The following ZNF836 variants were observed in gnomAD, a reference collection of about 807,000 sequenced individuals.
ZNF836 encodes the protein zinc finger protein 836.
In ZNF836, 12 loss-of-function variants were observed where a neutral mutation model predicts 7.4. That is an observed-to-expected ratio of 1.61 (90% CI 1.03 to 2.61). The LOEUF is 2.61. Ranked by LOEUF, ZNF836 falls within the 30% of genes most tolerant of loss-of-function variation. The pLI is 0.00. For missense variants in ZNF836, 998 were observed against 1,126.2 expected, an observed-to-expected ratio of 0.89 and a Z score of 1.63; for synonymous variants, 365 against 382.6, an observed-to-expected ratio of 0.95 and a Z score of 0.54.
At chr19:52,167,299 C>G (rs2089273625) in intron 3 of ZNF836, among the ~76,000 whole-genome samples, 1 of 151,308 alleles carries the variant, frequency 6.6e-6, no homozygotes, top group South Asian at 2.1e-4. Context: ...TGGTGAAACC[C>G]CATCTCTACT....
At position 52,156,766 on chromosome 19, in the gene ZNF836, T is replaced by A. The variant is rs1201672431; in HGVS notation, c.917A>T (p.Glu306Val). The change falls in exon 5 of 5, where the codon GAA (glutamate) becomes GTA (valine). Residue 306 changes from glutamate (E) to valine (V), a missense_variant. Coordinates refer to ENST00000682614, the MANE Select transcript of ZNF836 (RefSeq NM_001102657.3). The stretch of plus-strand genomic sequence containing the variant: ...ACTTTGACTAAAGGACTTGCCACAT[T>A]CATTACATTTGTACGGTTTCTCTCC... ...HTGEKPYKCN[E>V]CGKSFSQSYN... The A allele has an allele frequency of 5.0e-6, 8 of 1,607,718 alleles. No individual in the cohort carries two copies. The highest frequency in any genetic ancestry group is 6.8e-6 in the Non-Finnish European group (8 of 1,175,504).
chr19:52,166,858 C>A (rs967806118), intron 3 of ZNF836, among the ~76,000 whole-genome samples: 1 of 151,718 alleles, frequency 6.6e-6, no homozygotes, highest in Non-Finnish European at 1.5e-5. Context: ...GGATTACAGG[C>A]GTGAGCCACC....
chr19:52,169,112 A>G (rs892532818), intron 2 of ZNF836, among the ~76,000 whole-genome samples: 1 of 152,218 alleles, frequency 6.6e-6, no homozygotes, highest in African/African-American at 2.4e-5. Context: ...TTATAGGGTG[A>G]AAGTTTAAAA....
At chr19:52,165,493 A>C (rs1004098498) in intron 3 of ZNF836, 4 of 152,234 alleles carry the variant, frequency 2.6e-5, no homozygotes, top group African/African-American at 9.6e-5. Context: ...TTCACTGAAG[A>C]ATTGTTTTCT....
Position 52,157,497 on chromosome 19 carries a change from C to A in ZNF836, c.186G>T (p.Gly62=). ...GGCATTTTTCTCCTGTATTACTGTT[C>A]CCTATTGGTGGTAATTCCTTGGTCA... The part of the protein sequence containing the change: ...KCMTKELPPI[G]NSNTGEKCQT... Residue 62 remains glycine, a synonymous_variant, in exon 5 of 5, where the codon GGG becomes GGT. Coordinates refer to ENST00000682614, the MANE Select transcript of ZNF836 (RefSeq NM_001102657.3). 1 of 1,562,288 alleles carries A rather than the reference C, an allele frequency of 6.4e-7. No homozygotes were observed. Among genetic ancestry groups the A allele is most frequent in the South Asian group, 1.2e-5 (1 of 81,222 alleles).
rs2089147387 is a variant in ZNF836 at position 52,155,618 on chromosome 19, T to C, written c.2065A>G (p.Thr689Ala). ...TTACAATTGTAAGGTTTCTCTCCAGTATGAATTATCAGATGTTTAGTGAGG... is the reference window on the plus strand; with the variant it reads ...TTACAATTGTAAGGTTTCTCTCCAGCATGAATTATCAGATGTTTAGTGAGG... ...SSLTKHLIIHTGEKPYNCNEF... is the reference protein window; with the variant it reads ...SSLTKHLIIHAGEKPYNCNEF... The change falls in exon 5 of 5, where the codon ACT becomes GCT. Residue 689 changes from threonine (T) to alanine (A), a missense_variant. Transcript: ENST00000682614. The C allele has an allele frequency of 1.2e-6, 2 of 1,614,138 alleles. No homozygotes were observed. The highest frequency in any genetic ancestry group is 4.5e-5 in the East Asian group (2 of 44,874).
chr19:52,166,016 G>A (rs893158123), intron 3 of ZNF836, among the ~76,000 whole-genome samples: 1 of 151,918 alleles, frequency 6.6e-6, no homozygotes, highest in Non-Finnish European at 1.5e-5. Context: ...TTTGGAGACA[G>A]AGTCTAGCTC....
In ZNF836 at chr19:52,154,888, G is replaced by A; in HGVS notation, c.2795C>T (p.Thr932Ile). Reference sequence around the variant, plus strand: ...AAGTATGAATTATTTGAACCCAGAAGTTAGGAGAACATCTAAAGGCTTTTC... The same window carrying A: ...AAGTATGAATTATTTGAACCCAGAAATTAGGAGAACATCTAAAGGCTTTTC... ...NVEKPLDVLL[T>I]SGFK Residue 932 changes from threonine (T) to isoleucine (I), a missense_variant, in exon 5 of 5, where the codon ACT becomes ATT. Transcript: ENST00000682614. 6.6e-7 allele frequency: 1 copy of A among 1,521,616 alleles called. No individual in the cohort carries two copies. Among genetic ancestry groups the A allele is most frequent in the South Asian group, 1.3e-5 (1 of 74,444 alleles). 94.3% of individuals were successfully genotyped at this position (1,521,616 alleles called of 1,614,324 possible).
intron 2 of ZNF836, among the ~76,000 whole-genome samples, chr19:52,168,468 G>T (rs926379798): frequency 6.6e-6 from 1 of 152,112 alleles, no homozygotes; most frequent in Middle Eastern, 3.4e-3. Flanking sequence ...TGCACCTGTA[G>T]TCCCAGCTAC....
chr19:52,170,817 A>G (rs1361172106), intron 1 of ZNF836, among the ~76,000 whole-genome samples: 4 of 151,934 alleles, frequency 2.6e-5, no homozygotes, highest in Non-Finnish European at 4.4e-5. Flanking sequence ...CCACACATTC[A>G]GTAAGAAAGG....
In ZNF836 at chr19:52,154,398, C is replaced by A. The variant is rs1011561482; in HGVS notation, c.*474G>T. On this transcript the variant is annotated 3_prime_UTR_variant, in exon 5 of 5. Coordinates refer to ENST00000682614, the MANE Select transcript of ZNF836 (RefSeq NM_001102657.3). The stretch of plus-strand genomic sequence containing the variant: ...GATCTCAGCCAGGCGCAGTGGCTCA[C>A]ACCTATAATCCCAGCACTTTGGGAG... Among the ~76,000 whole-genome samples, 50 of 152,244 alleles carry A rather than the reference C, an allele frequency of 3.3e-4. No individual in the cohort carries two copies. The highest frequency in any genetic ancestry group is 1.0e-3 in the African/African-American group (42 of 41,558).
intron 3 of ZNF836, among the ~76,000 whole-genome samples, chr19:52,164,424 A>T (rs1466939598): frequency 7.1e-6 from 1 of 140,792 alleles, no homozygotes; most frequent in Non-Finnish European, 1.5e-5. Flanking sequence ...AAGAGAAAGG[A>T]GGGAGGGAGA....
rs1318398307 is a variant in ZNF836, at chr19:52,156,710, T to A, written c.973A>T (p.Thr325Ser). ...YNLAIHQRIH[T>S]GEKPYKCNEC... ...TTACATTTGTAAGGTTTCTCTCCAG[T>A]GTGAATTCTCTGATGTATTGCAAGG... The change falls in exon 5 of 5, where the codon ACT becomes TCT. Residue 325 changes from threonine (T) to serine (S), a missense_variant. Physicochemically the swap from Thr to Ser is moderately conservative, Grantham distance 58. Coordinates refer to ENST00000682614, the MANE Select transcript of ZNF836 (RefSeq NM_001102657.3). 1 of 1,606,454 alleles carries A rather than the reference T, an allele frequency of 6.2e-7. No individual in the cohort carries two copies. The highest frequency in any genetic ancestry group is 1.3e-5 in the African/African-American group (1 of 74,630).
At chr19:52,160,206 AGT>A (rs377746788) in intron 4 of ZNF836, 3 of 465,386 alleles carry the variant, frequency 6.4e-6, no homozygotes, top group South Asian at 8.1e-5. Context: ...AAAAAAAAAA[AGT>A]ACCATTATAC....
In ZNF836 at chr19:52,161,881, A is replaced by G. The variant is rs1217824689; in HGVS notation, c.16-1290T>C. Among the ~76,000 whole-genome samples, 1 of 152,214 alleles carries G rather than the reference A, an allele frequency of 6.6e-6. No individual in the cohort carries two copies. The highest frequency in any genetic ancestry group is 1.5e-5 in the Non-Finnish European group (1 of 68,040). On this transcript the variant is annotated intron_variant, in intron 3 of 4. Transcript: ENST00000682614. This position sits in a 1 kb window ranked among gnomAD's most constrained non-coding sequence, Gnocchi z 4.1. ...CAAACTGCTTTCTAGTTGTGAACCT[A>G]TGAAAGCAAACGAGTTATGTGCTTC...
chr19:52,159,909 C>G (rs938420562), intron 4 of ZNF836, among the ~76,000 whole-genome samples: 1 of 152,054 alleles, frequency 6.6e-6, no homozygotes, highest in South Asian at 2.1e-4. Context: ...TTAGAAGTAG[C>G]GTGGTGACTC....
chr19:52,171,564 ACCTGGGGCGGGAGAGGGG>A lies in ZNF836; in HGVS notation c.-461_-444del, dbSNP rs1199253595. The A allele has an allele frequency of 6.6e-6, 1 of 152,014 alleles. No homozygotes were observed. The highest frequency in any genetic ancestry group is 2.4e-5 in the African/African-American group (1 of 41,390). The allele number at this position is 152,014 out of a possible 1,614,324, so 9.4% of individuals were successfully genotyped here. On this transcript the variant is annotated 5_prime_UTR_variant, in exon 1 of 5. Coordinates refer to ENST00000682614, the MANE Select transcript of ZNF836 (RefSeq NM_001102657.3). ...ACGCCCTGAGAAAAAAGACTGAGAG[ACCTGGGGCGGGAGAGGGG>A]CCTGGGCGGGGTGCGACCCGCAAGG... is the stretch of plus-strand genomic sequence containing the variant.
intron 4 of ZNF836, 74 bp from the exon 5 acceptor site, chr19:52,157,614 A>G (rs915612688): frequency 1.4e-5 from 19 of 1,369,286 alleles, no homozygotes; most frequent in Non-Finnish European, 1.7e-5. Flanking sequence ...TCTGTTGCCC[A>G]GGCTGGAGTG....
chr19:52,171,331 C>T lies in ZNF836; in HGVS notation c.-215+5G>A, dbSNP rs2089306349. 6.6e-6 allele frequency: 1 copy of T among 152,508 alleles called. No homozygotes were observed. Among genetic ancestry groups the T allele is most frequent in the Non-Finnish European group, 1.5e-5 (1 of 68,264 alleles). 9.4% of individuals were successfully genotyped at this position (152,508 alleles called of 1,614,324 possible). ...AACCGAAAGGGAAGCAATTATCAGA[C>T]TTACTTGGGGCGAAGGGGCTGTTGC... is the stretch of plus-strand genomic sequence containing the variant. On this transcript the variant is annotated splice_donor_5th_base_variant and intron_variant, in intron 1 of 4. Coordinates refer to ENST00000682614, the MANE Select transcript of ZNF836 (RefSeq NM_001102657.3).
Sources: allele counts gnomAD v4.1 joint callset (sites outside exome capture counted in the v4.1 genomes callset), GRCh38; gene constraint gnomAD v4.1.1; non-coding constraint Gnocchi (gnomAD v3.1); transcripts MANE v1.5; gene names NCBI Gene and HGNC (gene_info 2026-07-23, HGNC 2026-07-21).